Variants in MIPEP observed in about 807,000 individuals in gnomAD.
MIPEP encodes the protein mitochondrial intermediate peptidase.
MIPEP carries 79 observed loss-of-function variants against 90.3 expected under a neutral mutation model. That is an observed-to-expected ratio of 0.87 (90% CI 0.73 to 1.05). The LOEUF is 1.05. Ranked by LOEUF, MIPEP falls within the 50% of genes least tolerant of loss-of-function variation. The pLI is 0.00. For missense variants in MIPEP, 940 were observed against 905.6 expected, an observed-to-expected ratio of 1.04 and a Z score of -0.49; for synonymous variants, 334 against 315.8, an observed-to-expected ratio of 1.06 and a Z score of -0.61.
At chr13:23,795,850 G>A (rs1952952767) in intron 16 of MIPEP, among the ~76,000 whole-genome samples, 1 of 146,710 alleles carries the variant, frequency 6.8e-6, no homozygotes, top group Non-Finnish European at 1.5e-5. Flanking sequence ...AAAGCTGGGA[G>A]TGGGGTGTGG....
At chr13:23,736,796 C>T (rs1952269459) in intron 18 of MIPEP, among the ~76,000 whole-genome samples, 1 of 152,154 alleles carries the variant, frequency 6.6e-6, no homozygotes, top group Non-Finnish European at 1.5e-5. Context: ...ATTCACTGTG[C>T]ACCAGACACT....
Position 23,746,981 on chromosome 13 carries a change from A to G in MIPEP, c.2044+9564T>C, listed in dbSNP as rs563577049. The stretch of plus-strand genomic sequence containing the variant: ...CTGTCAAAACAAGCACTACCCACCA[A>G]AAGTAACGGTGACAAAACAGAAGTT... On this transcript the variant is annotated intron_variant, in intron 18 of 18. Coordinates refer to ENST00000382172, the MANE Select transcript of MIPEP (RefSeq NM_005932.4). 3.3e-5 allele frequency among the ~76,000 whole-genome samples: 5 copies of G among 152,316 alleles called. No homozygotes were observed. The East Asian group carries it at 9.6e-4, about 29-fold the overall frequency.
intron 18 of MIPEP, among the ~76,000 whole-genome samples, chr13:23,750,925 G>T (rs748903466): frequency 1.3e-5 from 2 of 152,192 alleles, no homozygotes; most frequent in African/African-American, 2.4e-5. Context: ...GCCCATCACT[G>T]TGTGTGTTTC....
chr13:23,868,713 A>G (rs897025716), intron 7 of MIPEP, among the ~76,000 whole-genome samples: 2 of 152,208 alleles, frequency 1.3e-5, no homozygotes, highest in Admixed American at 6.5e-5. Context: ...GCTTCTGAAA[A>G]AACGTATTAT....
At chr13:23,829,119 CGGA>C (rs1868613317) in intron 14 of MIPEP, among the ~76,000 whole-genome samples, 1 of 152,100 alleles carries the variant, frequency 6.6e-6, no homozygotes, top group Non-Finnish European at 1.5e-5. Flanking sequence ...GTTACTCACA[CGGA>C]AGAAAGTAAA....
chr13:23,869,572 G>T lies in MIPEP; in HGVS notation c.787-124C>A, dbSNP rs565883160. The stretch of plus-strand genomic sequence containing the variant: ...TCACTGCTTTCAAAATAAAGCAATG[G>T]TCTACACGAGGCCATAAAGCTTCCA... On this transcript the variant is annotated intron_variant, in intron 6 of 18. Coordinates refer to ENST00000382172, the MANE Select transcript of MIPEP (RefSeq NM_005932.4). 5 of 881,352 alleles carry T rather than the reference G, an allele frequency of 5.7e-6. 1 individual carries two copies. The South Asian group carries it at 1.1e-4, about 20-fold the overall frequency. 54.6% of individuals were successfully genotyped at this position (881,352 alleles called of 1,614,324 possible). A position where few individuals can be genotyped will look rare whatever the true frequency, so the allele number is the denominator to read the frequency against.
At chr13:23,881,276 T>A (rs1478990365) in intron 3 of MIPEP, among the ~76,000 whole-genome samples, 1 of 152,138 alleles carries the variant, frequency 6.6e-6, no homozygotes, top group Non-Finnish European at 1.5e-5. Flanking sequence ...AGCAATTTAA[T>A]CAAGCGATAA....
intron 18 of MIPEP, among the ~76,000 whole-genome samples, chr13:23,755,001 A>T (rs1468753087): frequency 6.6e-6 from 1 of 152,216 alleles, no homozygotes; most frequent in Non-Finnish European, 1.5e-5. Context: ...GCCTTGTTAC[A>T]TAAGCAGAGG....
At chr13:23,820,414 C>G (rs571444199) in intron 14 of MIPEP, among the ~76,000 whole-genome samples, 1 of 152,300 alleles carries the variant, frequency 6.6e-6, no homozygotes, top group East Asian at 1.9e-4. Flanking sequence ...TATTTGAGCA[C>G]AGAACACCTG....
chr13:23,881,651 G>T (rs527649656), intron 3 of MIPEP, 48 bp downstream of exon 3: 1 of 1,478,604 alleles, frequency 6.8e-7, no homozygotes, highest in Non-Finnish European at 9.4e-7. Context: ...CCATGAAACC[G>T]GATCACCCAG....
rs2137496852 is a variant in MIPEP at position 23,858,926 on chromosome 13, A to AT, written c.1054-15dup. 3 of 1,610,228 alleles carry AT rather than the reference A, an allele frequency of 1.9e-6. No individual in the cohort carries two copies. The highest frequency in any genetic ancestry group is 1.1e-5 in the South Asian group (1 of 90,938). ...GGGCATTACTTCCTACAATGGAATA[A>AT]TTCACTGTTAAGGAAAGCTACTGAC... is the stretch of plus-strand genomic sequence containing the variant. On this transcript the variant is annotated splice_polypyrimidine_tract_variant and intron_variant, in intron 9 of 18. Transcript: ENST00000382172.
chr13:23,786,660 A>G (rs919723886), intron 16 of MIPEP, among the ~76,000 whole-genome samples: 5 of 18,874 alleles, frequency 2.6e-4, no homozygotes, highest in African/African-American at 3.4e-4. Flanking sequence ...AAAAATAAGG[A>G]AAGAGTGACT....
rs183852849 is a variant in MIPEP at position 23,787,884 on chromosome 13, A to G, written c.1848+18066T>C. ...TCTACTCTGAGCCCAAGTTAAGTTT[A>G]GTCCTGATCCTCCACCTCAGCTGCA... On this transcript the variant is annotated intron_variant, in intron 16 of 18. Transcript: ENST00000382172. Among the ~76,000 whole-genome samples the G allele has an allele frequency of 2.4e-3, 362 of 152,334 alleles. 8 individuals are homozygous for G. In the South Asian group the frequency reaches 0.032, roughly 13 times the overall value.
chr13:23,776,172 T>G (rs1179360658), intron 16 of MIPEP, among the ~76,000 whole-genome samples: 1 of 152,098 alleles, frequency 6.6e-6, no homozygotes, highest in African/African-American at 2.4e-5. Context: ...CTTACAAACT[T>G]CAAACCTCTA....
chr13:23,804,448 T>A (rs75524688), intron 16 of MIPEP, among the ~76,000 whole-genome samples: 1,608 of 152,326 alleles, frequency 0.011, 35 homozygotes, highest in African/African-American at 0.036. Context: ...TAGTAAAATC[T>A]AGGCAATTGT....
chr13:23,741,608 G>T (rs535035128), intron 18 of MIPEP, among the ~76,000 whole-genome samples: 6 of 152,184 alleles, frequency 3.9e-5, no homozygotes, highest in Admixed American at 6.5e-5. Context: ...TTATAAGTGG[G>T]AGCTAAATAA....
intron 18 of MIPEP, among the ~76,000 whole-genome samples, chr13:23,754,248 G>A (rs1369017066): frequency 6.6e-6 from 1 of 152,078 alleles, no homozygotes; most frequent in Non-Finnish European, 1.5e-5. Flanking sequence ...CTGCCTCCAA[G>A]AAAATGAGAA....
At chr13:23,789,996 C>T (rs1039139363) in intron 16 of MIPEP, among the ~76,000 whole-genome samples, 4 of 152,188 alleles carry the variant, frequency 2.6e-5, no homozygotes, top group African/African-American at 9.6e-5. Flanking sequence ...TTTCCTCTGC[C>T]TTCTTTGAAG....
chr13:23,841,804 C>T lies in MIPEP; in HGVS notation c.1107-316G>A, dbSNP rs143551929. ...CTGCTCACTGTATACATTCCTTATA[C>T]ATACTTACATGCAAAATATGATCAG... On this transcript the variant is annotated intron_variant, in intron 10 of 18. Transcript: ENST00000382172. 4.2e-3 allele frequency among the ~76,000 whole-genome samples: 638 copies of T among 152,250 alleles called. 3 individuals carry two copies. Among genetic ancestry groups the T allele is most frequent in the Non-Finnish European group, 5.1e-3 (347 of 68,004 alleles).
Sources: allele counts gnomAD v4.1 joint callset (sites outside exome capture counted in the v4.1 genomes callset), GRCh38; gene constraint gnomAD v4.1.1; transcripts MANE v1.5; gene names NCBI Gene and HGNC (gene_info 2026-07-23, HGNC 2026-07-21).